ACTN2: variants seen among roughly 807,000 people sequenced by gnomAD.
The protein encoded by ACTN2 is actinin alpha 2.
A neutral mutation model predicts 113.8 loss-of-function variants in ACTN2; 39 were observed. The observed-to-expected ratio is 0.34, with a 90% CI of 0.27 to 0.45. The LOEUF is 0.45. Ranked by LOEUF, ACTN2 falls within the 20% of genes least tolerant of loss-of-function variation. The probability of loss-of-function intolerance (pLI) is 1.00; values close to 1 mark genes in which losing one functional copy is unlikely to be tolerated. For missense variants in ACTN2, 992 were observed against 1,177.9 expected, an observed-to-expected ratio of 0.84 and a Z score of 2.31; for synonymous variants, 429 against 444.1, an observed-to-expected ratio of 0.97 and a Z score of 0.43.
Position 236,755,199 on chromosome 1 carries a change from G to GTAC in ACTN2, c.2154+2_2154+4dup. The GTAC allele has an allele frequency of 6.2e-7, 1 of 1,614,136 alleles. No individual in the cohort carries two copies. Among genetic ancestry groups the GTAC allele is most frequent in the Non-Finnish European group, 8.5e-7 (1 of 1,180,048 alleles). ...CAAGCACACGAACTACACGATGGAG[G>GTAC]TACGGCAGCCAGACAGGCGTGTGCC... On this transcript the variant is annotated splice_donor_variant, in intron 17 of 20. Coordinates refer to ENST00000366578, the MANE Select transcript of ACTN2 (RefSeq NM_001103.4). LOFTEE classifies it high-confidence loss of function.
At position 236,749,296 on chromosome 1, in the gene ACTN2, C is replaced by T. The variant is rs1247423867; in HGVS notation, c.1656+32C>T. The T allele has an allele frequency of 4.3e-6, 7 of 1,613,254 alleles. No individual in the cohort carries two copies. The Admixed American group carries it at 6.7e-5, about 15-fold the overall frequency. On this transcript the variant is annotated intron_variant, in intron 14 of 20. Transcript: ENST00000366578. ...GAACCGCAACTCTGTATGCCCTATGCATTAGAAGTGAGTTGTCATTTAAAC... is the reference window on the plus strand; with the variant it reads ...GAACCGCAACTCTGTATGCCCTATGTATTAGAAGTGAGTTGTCATTTAAAC...
Position 236,747,784 on chromosome 1 carries a change from T to C in ACTN2, c.1515+9T>C, listed in dbSNP as rs769720799. 3 of 1,582,794 alleles carry C rather than the reference T, an allele frequency of 1.9e-6. No individual in the cohort carries two copies. The highest frequency in any genetic ancestry group is 2.6e-6 in the Non-Finnish European group (3 of 1,152,048). ...GGAGAGAAGCCCTAGAGGTGAAGTA[T>C]TGAAGCCACTTGTTGACATGAAATC... is the stretch of plus-strand genomic sequence containing the variant. On this transcript the variant is annotated intron_variant, in intron 13 of 20. Coordinates refer to ENST00000366578, the MANE Select transcript of ACTN2 (RefSeq NM_001103.4).
intron 1 of ACTN2, among the ~76,000 whole-genome samples, chr1:236,695,563 T>TCTCCCCCC (rs1657467279): frequency 3.0e-5 from 3 of 100,794 alleles, no homozygotes; most frequent in African/African-American, 4.1e-5. Flanking sequence ...TGAAATGAGT[T>TCTCCCCCC]CCCCCCCCCT....
rs397516567 is a variant in ACTN2 at position 236,744,784 on chromosome 1, C to T, written c.1406+8C>T. On this transcript the variant is annotated splice_region_variant and intron_variant, in intron 12 of 20. Coordinates refer to ENST00000366578, the MANE Select transcript of ACTN2 (RefSeq NM_001103.4). ...CATCGCGCAGGAGCTCAAGTATGTG[C>T]AGATGCCCTCCGTCCTCCCGGGAGC... The T allele has an allele frequency of 1.2e-4, 195 of 1,613,936 alleles. No individual in the cohort carries two copies. The highest frequency in any genetic ancestry group is 4.2e-4 in the Admixed American group (25 of 60,000).
chr1:236,690,395 A>G (rs1666038854), intron 1 of ACTN2, among the ~76,000 whole-genome samples: 1 of 152,198 alleles, frequency 6.6e-6, no homozygotes, highest in South Asian at 2.1e-4. Context: ...GTTTGTTCCA[A>G]TGATTAACAG....
In ACTN2 at chr1:236,744,612, T is replaced by C; in HGVS notation, c.1256-14T>C. The C allele has an allele frequency of 6.2e-7, 1 of 1,614,038 alleles. No homozygotes were observed. The highest frequency in any genetic ancestry group is 8.5e-7 in the Non-Finnish European group (1 of 1,180,020). ...CCTCAGCATATTCATACTTTCTTGC[T>C]ACCACCTTTGCAGGCAAAGAGCAGA... On this transcript the variant is annotated splice_polypyrimidine_tract_variant and intron_variant, in intron 11 of 20. Coordinates refer to ENST00000366578, the MANE Select transcript of ACTN2 (RefSeq NM_001103.4).
intron 1 of ACTN2, among the ~76,000 whole-genome samples, chr1:236,702,653 A>T (rs707215): frequency 1 from 152,328 of 152,356 alleles, 76,150 homozygotes; most frequent in Non-Finnish European, 1. Context: ...GAACTCTTGG[A>T]GGAGGAAATC....
chr1:236,705,751 G>A (rs1485695682), intron 1 of ACTN2, among the ~76,000 whole-genome samples: 1 of 152,188 alleles, frequency 6.6e-6, no homozygotes, highest in Non-Finnish European at 1.5e-5. Context: ...GAAGTTATGG[G>A]GGTGATTCCA....
At chr1:236,697,940 T>TG in intron 1 of ACTN2, among the ~76,000 whole-genome samples, 1 of 149,392 alleles carries the variant, frequency 6.7e-6, no homozygotes, top group South Asian at 2.1e-4. Flanking sequence ...TCGTATTTTT[T>TG]TTTTTTTTTT....
At chr1:236,720,276 A>C in intron 4 of ACTN2, 85 bp downstream of exon 4, 1 of 1,092,550 alleles carries the variant, frequency 9.2e-7, no homozygotes. Flanking sequence ...TTTAAAGTCC[A>C]ACAGTCACTT....
chr1:236,710,288 A>G (rs566380641), intron 1 of ACTN2, among the ~76,000 whole-genome samples: 19 of 152,364 alleles, frequency 1.2e-4, no homozygotes, highest in African/African-American at 4.6e-4. Flanking sequence ...CATTAACTTA[A>G]AAAGAAATCA....
At chr1:236,748,399 G>A (rs1356491421) in intron 13 of ACTN2, among the ~76,000 whole-genome samples, 1 of 152,114 alleles carries the variant, frequency 6.6e-6, no homozygotes, top group African/African-American at 2.4e-5. Context: ...TGACATATCT[G>A]CTTAAAGAAA....
chr1:236,717,174 T>C (rs545409913), intron 1 of ACTN2, among the ~76,000 whole-genome samples: 1 of 151,828 alleles, frequency 6.6e-6, no homozygotes, highest in African/African-American at 2.4e-5. Flanking sequence ...CTGGGCATGG[T>C]GGCTCATGCC....
At position 236,754,490 on chromosome 1, in the gene ACTN2, T is replaced by C. The variant is rs948094904; in HGVS notation, c.1974+409T>C. Among the ~76,000 whole-genome samples the C allele has an allele frequency of 3.9e-5, 6 of 152,260 alleles. No individual in the cohort carries two copies. The highest frequency in any genetic ancestry group is 1.9e-4 in the East Asian group (1 of 5,202). ...GGACAGTGGTCTTTAAGTAACCCTG[T>C]TGTCCTTTGATCACCAAGAACAGCC... On this transcript the variant is annotated intron_variant, in intron 16 of 20. Transcript: ENST00000366578. The surrounding 1 kb of genome is among the most constrained non-coding windows in gnomAD (Gnocchi z 4.9).
chr1:236,753,140 G>C (rs1368757303), intron 15 of ACTN2, among the ~76,000 whole-genome samples: 1 of 152,200 alleles, frequency 6.6e-6, no homozygotes, highest in Non-Finnish European at 1.5e-5. Flanking sequence ...CATGAACCCA[G>C]CATGGGCTCT....
chr1:236,754,310 G>A lies in ACTN2; in HGVS notation c.1974+229G>A, dbSNP rs1324793861. ...AAGGCGGCACTCAAGGAAGGGGAGG[G>A]GGGTCTTGCTGGGTTCTGTTTATTT... On this transcript the variant is annotated intron_variant, in intron 16 of 20. Transcript: ENST00000366578. This position sits in a 1 kb window ranked among gnomAD's most constrained non-coding sequence, Gnocchi z 4.9. Among the ~76,000 whole-genome samples the A allele has an allele frequency of 1.3e-5, 2 of 152,214 alleles. No individual in the cohort carries two copies. The highest frequency in any genetic ancestry group is 1.3e-4 in the Admixed American group (2 of 15,280).
At chr1:236,707,963 G>A (rs1243891431) in intron 1 of ACTN2, among the ~76,000 whole-genome samples, 6 of 151,628 alleles carry the variant, frequency 4.0e-5, no homozygotes, top group African/African-American at 9.7e-5. Context: ...CACCCGCCTC[G>A]GCCTCTCAAA....
Position 236,735,629 on chromosome 1 carries a change from C to T in ACTN2, c.698-6C>T, listed in dbSNP as rs1161272685. On this transcript the variant is annotated splice_polypyrimidine_tract_variant and splice_region_variant and intron_variant, in intron 7 of 20. Coordinates refer to ENST00000366578, the MANE Select transcript of ACTN2 (RefSeq NM_001103.4). ...GCGCGTCCTGTGTTATTTTCTCCCC[C>T]TTCAGACATCGTGAACACCCCTAAA... The T allele has an allele frequency of 1.9e-6, 3 of 1,613,586 alleles. No individual in the cohort carries two copies. Among genetic ancestry groups the T allele is most frequent in the Admixed American group, 1.7e-5 (1 of 60,010 alleles).
chr1:236,698,540 T>C (rs1657585209), intron 1 of ACTN2, among the ~76,000 whole-genome samples: 2 of 152,216 alleles, frequency 1.3e-5, no homozygotes, highest in Non-Finnish European at 2.9e-5. Flanking sequence ...GCGTTTTGTG[T>C]TTTATAGACT....
Sources: allele counts gnomAD v4.1 joint callset (sites outside exome capture counted in the v4.1 genomes callset), GRCh38; gene constraint gnomAD v4.1.1; non-coding constraint Gnocchi (gnomAD v3.1); transcripts MANE v1.5; gene names NCBI Gene and HGNC (gene_info 2026-07-23, HGNC 2026-07-21).